NFAT5: variants seen among roughly 807,000 people sequenced by gnomAD.
NFAT5 encodes nuclear factor of activated T-cells 5.
Under a neutral mutation model 166.5 loss-of-function variants are expected in NFAT5, and 31 were observed. The observed-to-expected ratio is 0.19, with a 90% CI of 0.14 to 0.25. NFAT5 has a LOEUF of 0.25. Among genes scored for constraint, NFAT5 ranks in the 10% least tolerant of loss-of-function variants. NFAT5 has a pLI of 1.00. For synonymous variants in NFAT5, 612 were observed against 639.7 expected (o/e 0.96, Z 0.65); for missense variants, 1,449 against 1,821.8 (o/e 0.80, Z 3.72).
In NFAT5 at chr16:69,647,720, C is replaced by T. The variant is rs140123065; in HGVS notation, c.812+134C>T. ...CAGTGCTAATTTTATCATTGAAATA[C>T]ATGAAAATTTTAACTTAAAATTACC... On this transcript the variant is annotated intron_variant, in intron 4 of 14. Transcript: ENST00000349945. This position sits in a 1 kb window ranked among gnomAD's most constrained non-coding sequence, Gnocchi z 4.8. 3.7e-3 allele frequency: 2,830 copies of T among 763,984 alleles called. 40 individuals are homozygous for T. In the African/African-American group the frequency reaches 0.037, roughly 10 times the overall value. 47.3% of individuals were successfully genotyped at this position (763,984 alleles called of 1,614,324 possible).
intron 2 of NFAT5, among the ~76,000 whole-genome samples, chr16:69,569,127 A>G (rs2142891497): frequency 6.6e-6 from 1 of 152,244 alleles, no homozygotes; most frequent in African/African-American, 2.4e-5. Context: ...AACAGCTTAC[A>G]CTTACTTTAG....
intron 10 of NFAT5, among the ~76,000 whole-genome samples, chr16:69,679,197 C>T (rs1171934596): frequency 3.3e-5 from 5 of 152,102 alleles, no homozygotes; most frequent in African/African-American, 1.2e-4. Flanking sequence ...TCCCAAAGTG[C>T]TGGGATTACA....
At chr16:69,677,098 TAATCAC>T in intron 9 of NFAT5, 99 bp from the exon 10 acceptor site, 1 of 1,074,866 alleles carries the variant, frequency 9.3e-7, no homozygotes, top group Non-Finnish European at 1.3e-6. Flanking sequence ...CTTTTTTTTT[TAATCAC>T]TTTTTAAACT....
intron 3 of NFAT5, among the ~76,000 whole-genome samples, chr16:69,638,457 G>C (rs184596165): frequency 4.1e-4 from 63 of 152,112 alleles, no homozygotes; most frequent in Non-Finnish European, 6.2e-4. Context: ...CGTAGGGCTG[G>C]GCACGGTGGC....
chr16:69,576,291 CAAA>C (rs35557444), intron 2 of NFAT5, among the ~76,000 whole-genome samples: 1 of 55,292 alleles, frequency 1.8e-5, no homozygotes, highest in African/African-American at 6.2e-5. Context: ...GACTCGGTCT[CAAA>C]AAAAAAAAAA....
At position 69,566,003 on chromosome 16, in the gene NFAT5, T is replaced by G; in HGVS notation, c.-299T>G. Reference sequence around the variant, plus strand: ...GCGGCGGCGGCGGTGGCGGCGACCGTCAGTTTTCGCTGAGGAGAAACACGA... The same window carrying G: ...GCGGCGGCGGCGGTGGCGGCGACCGGCAGTTTTCGCTGAGGAGAAACACGA... On this transcript the variant is annotated 5_prime_UTR_variant, in exon 1 of 15. Transcript: ENST00000349945. The surrounding 1 kb of genome is among the most constrained non-coding windows in gnomAD (Gnocchi z 5.7). 13 of 251,552 alleles carry G rather than the reference T, an allele frequency of 5.2e-5. No homozygotes were observed. The highest frequency in any genetic ancestry group is 1.4e-4 in the East Asian group (1 of 6,914). The allele number at this position is 251,552 out of a possible 1,614,324, so 15.6% of individuals were successfully genotyped here. A position where few individuals can be genotyped will look rare whatever the true frequency, so the allele number is the denominator to read the frequency against.
At position 69,703,296 on chromosome 16, in the gene NFAT5, A is replaced by G. The variant is rs149724211; in HGVS notation, c.*6945A>G. Reference sequence around the variant, plus strand: ...CTTCTTCAAAAGTAGCTTGCTTTGTATAAGAACTAAGCTATCAGTATAGAT... The same window carrying G: ...CTTCTTCAAAAGTAGCTTGCTTTGTGTAAGAACTAAGCTATCAGTATAGAT... On this transcript the variant is annotated 3_prime_UTR_variant, in exon 15 of 15. Coordinates refer to ENST00000349945, the MANE Select transcript of NFAT5 (RefSeq NM_138713.4). 38 of 152,762 alleles carry G rather than the reference A, an allele frequency of 2.5e-4. No homozygotes were observed. The highest frequency in any genetic ancestry group is 8.3e-4 in the South Asian group (4 of 4,834). 9.5% of individuals were successfully genotyped at this position (152,762 alleles called of 1,614,324 possible). A position where few individuals can be genotyped will look rare whatever the true frequency, so the allele number is the denominator to read the frequency against.
In NFAT5 at chr16:69,704,002, C is replaced by G. The variant is rs1244291023; in HGVS notation, c.*7651C>G. The G allele has an allele frequency of 6.6e-6, 1 of 152,420 alleles. No individual in the cohort carries two copies. The highest frequency in any genetic ancestry group is 1.5e-5 in the Non-Finnish European group (1 of 68,002). 9.4% of individuals were successfully genotyped at this position (152,420 alleles called of 1,614,324 possible). The stretch of plus-strand genomic sequence containing the variant: ...TTATTTTAGCTGATGAACCTCAGGA[C>G]AACGTCTACACACACACACATACAT... On this transcript the variant is annotated 3_prime_UTR_variant, in exon 15 of 15. Transcript: ENST00000349945.
chr16:69,665,212 A>G (rs1212168705), intron 7 of NFAT5, among the ~76,000 whole-genome samples: 1 of 151,916 alleles, frequency 6.6e-6, no homozygotes, highest in Non-Finnish European at 1.5e-5. Flanking sequence ...AGCCAATATC[A>G]TACTGAATGG....
intron 7 of NFAT5, among the ~76,000 whole-genome samples, chr16:69,664,309 CG>C (rs2036270006): frequency 6.6e-6 from 1 of 151,904 alleles, no homozygotes; most frequent in Admixed American, 6.6e-5. Flanking sequence ...TTTTTTGAGA[CG>C]GAGTCTCACT....
intron 4 of NFAT5, chr16:69,648,918 AAT>A: frequency 1.0e-6 from 1 of 966,438 alleles, no homozygotes; most frequent in Middle Eastern, 5.4e-4. Flanking sequence ...TTTAAAAAGT[AAT>A]ATCTACCCTT....
intron 2 of NFAT5, among the ~76,000 whole-genome samples, chr16:69,601,293 A>G (rs2033120136): frequency 6.6e-6 from 1 of 152,206 alleles, no homozygotes; most frequent in African/African-American, 2.4e-5. Context: ...GAGGGATTAT[A>G]CATCTGTTTT....
chr16:69,679,418 C>A (rs999110271), intron 10 of NFAT5, among the ~76,000 whole-genome samples: 1 of 151,666 alleles, frequency 6.6e-6, no homozygotes, highest in Non-Finnish European at 1.5e-5. Context: ...GAATTCAAAA[C>A]CAGCCTGGCC....
In NFAT5 at chr16:69,590,128, C is replaced by T. The variant is rs148466488; in HGVS notation, c.127+21580C>T. On this transcript the variant is annotated intron_variant, in intron 2 of 14. Transcript: ENST00000349945. ...GTTCAAGGTTACAGTGAACTATGATCGCACGACTGCACTCCAGCTTGGGCG... is the reference window on the plus strand; with the variant it reads ...GTTCAAGGTTACAGTGAACTATGATTGCACGACTGCACTCCAGCTTGGGCG... 2.1e-3 allele frequency among the ~76,000 whole-genome samples: 324 copies of T among 152,220 alleles called. 2 individuals carry two copies. The highest frequency in any genetic ancestry group is 7.5e-3 in the African/African-American group (310 of 41,516).
At chr16:69,593,626 C>G (rs1037787665) in intron 2 of NFAT5, among the ~76,000 whole-genome samples, 1 of 152,002 alleles carries the variant, frequency 6.6e-6, no homozygotes, top group Non-Finnish European at 1.5e-5. Context: ...AGTTACATTT[C>G]TAACAAAGTA....
intron 6 of NFAT5, 34 bp from the exon 7 acceptor site, chr16:69,659,693 A>T: frequency 2.0e-6 from 3 of 1,497,346 alleles, no homozygotes; most frequent in Non-Finnish European, 2.7e-6. Flanking sequence ...TTATACAACA[A>T]AATGTCCCTT....
intron 3 of NFAT5, among the ~76,000 whole-genome samples, chr16:69,639,572 AAAAT>A (rs2035114900): frequency 6.6e-6 from 1 of 152,308 alleles, no homozygotes; most frequent in African/African-American, 2.4e-5. Flanking sequence ...TTTTTTTAAA[AAAAT>A]AGAGCCTCTA....
At chr16:69,631,591 A>T (rs1484269579) in intron 3 of NFAT5, among the ~76,000 whole-genome samples, 4 of 152,110 alleles carry the variant, frequency 2.6e-5, no homozygotes, top group Non-Finnish European at 5.9e-5. Context: ...TTTAGAAGTA[A>T]CAGTACACTA....
At chr16:69,652,745 GGTTT>G (rs10537528) in intron 4 of NFAT5, among the ~76,000 whole-genome samples, 35,934 of 148,884 alleles carry the variant, frequency 0.24, 4,545 homozygotes, top group East Asian at 0.46. Context: ...GGTTTTTGGG[GGTTT>G]GTTTTTTGTT....
Sources: allele counts gnomAD v4.1 joint callset (sites outside exome capture counted in the v4.1 genomes callset), GRCh38; gene constraint gnomAD v4.1.1; non-coding constraint Gnocchi (gnomAD v3.1); transcripts MANE v1.5; gene names NCBI Gene and HGNC (gene_info 2026-07-23, HGNC 2026-07-21).